Variants in BAIAP2L2 observed in about 807,000 individuals in gnomAD.
BAIAP2L2 encodes BAR/IMD domain containing adaptor protein 2 like 2, also known as BAR/IMD domain-containing adapter protein 2-like 2.
A neutral mutation model predicts 60.4 loss-of-function variants in BAIAP2L2; 65 were observed. The ratio of observed to expected loss-of-function variants is 1.08; its 90% CI spans 0.88 to 1.32. The LOEUF is 1.32. Among genes scored for constraint, BAIAP2L2 ranks in the 40% most tolerant of loss-of-function variants. The pLI, the probability that BAIAP2L2 is intolerant of heterozygous loss-of-function variation, is 0.00. For synonymous variants in BAIAP2L2, 344 were observed against 301.7 expected (o/e 1.14, Z -1.45); for missense variants, 836 against 741.2 (o/e 1.13, Z -1.48).
intron 4 of BAIAP2L2, among the ~76,000 whole-genome samples, chr22:38,105,103 T>A (rs1446410608): frequency 6.6e-6 from 1 of 152,126 alleles, no homozygotes; most frequent in African/African-American, 2.4e-5. Context: ...ACATTCTAAG[T>A]CAGATCCTGT....
chr22:38,095,381 T>C (rs1569224096), intron 7 of BAIAP2L2, among the ~76,000 whole-genome samples: 1 of 152,254 alleles, frequency 6.6e-6, no homozygotes, highest in South Asian at 2.1e-4. Context: ...ATCTTTTTTT[T>C]TGAGACTTAG....
chr22:38,110,500 T>C lies in BAIAP2L2; in HGVS notation c.26A>G (p.Tyr9Cys), dbSNP rs780619774. 3 of 1,611,818 alleles carry C rather than the reference T, an allele frequency of 1.9e-6. No individual in the cohort carries two copies. The highest frequency in any genetic ancestry group is 1.3e-5 in the African/African-American group (1 of 74,810). The change falls in exon 1 of 14, where the codon TAC becomes TGC. Residue 9 changes from tyrosine (Y) to cysteine (C), a missense_variant. Transcript: ENST00000381669. MAPEMDQF[Y>C]RSTMAIYKSI... Reference sequence around the variant, plus strand: ...CTTGTAGATGGCCATGGTGGACCTGTAGAACTGGTCCATCTCGGGGGCCAT... The same window carrying C: ...CTTGTAGATGGCCATGGTGGACCTGCAGAACTGGTCCATCTCGGGGGCCAT...
rs193285007 is a variant in BAIAP2L2, at chr22:38,101,849, G to A, written c.277-3367C>T. 5.9e-3 allele frequency among the ~76,000 whole-genome samples: 893 copies of A among 152,076 alleles called. 6 individuals are homozygous for A. Among genetic ancestry groups the A allele is most frequent in the African/African-American group, 0.02 (846 of 41,450 alleles). ...AGCCTGGGTGACAGAGCAAGATTCC[G>A]TCTCAAAAAACAAACAAACAAACAA... On this transcript the variant is annotated intron_variant, in intron 4 of 13. Coordinates refer to ENST00000381669, the MANE Select transcript of BAIAP2L2 (RefSeq NM_025045.6).
At position 38,084,994 on chromosome 22, in the gene BAIAP2L2, C is replaced by A. The variant is rs910387977; in HGVS notation, c.*306G>T. ...AGCAGGTACAAGGGGCTCCTCCCCA[C>A]GGGGGCAGAAAAGGGGGAAAGAGGT... is the stretch of plus-strand genomic sequence containing the variant. On this transcript the variant is annotated 3_prime_UTR_variant, in exon 14 of 14. Coordinates refer to ENST00000381669, the MANE Select transcript of BAIAP2L2 (RefSeq NM_025045.6). 5.8e-6 allele frequency: 2 copies of A among 342,398 alleles called. No individual in the cohort carries two copies. The highest frequency in any genetic ancestry group is 1.1e-5 in the Non-Finnish European group (2 of 184,266). 21.2% of individuals were successfully genotyped at this position (342,398 alleles called of 1,614,324 possible). A position where few individuals can be genotyped will look rare whatever the true frequency, so the allele number is the denominator to read the frequency against.
At chr22:38,104,263 G>T (rs6001004) in intron 4 of BAIAP2L2, among the ~76,000 whole-genome samples, 4,959 of 152,254 alleles carry the variant, frequency 0.033, 115 homozygotes, top group East Asian at 0.044. Context: ...GGCAGATCTA[G>T]ACACAGTGAT....
intron 4 of BAIAP2L2, among the ~76,000 whole-genome samples, chr22:38,103,972 G>A (rs749146758): frequency 6.6e-6 from 1 of 151,926 alleles, no homozygotes; most frequent in Non-Finnish European, 1.5e-5. Context: ...TTAAATCTAC[G>A]ATATTGATTA....
At chr22:38,097,778 G>A (rs1447819232) in intron 6 of BAIAP2L2, among the ~76,000 whole-genome samples, 4 of 152,124 alleles carry the variant, frequency 2.6e-5, no homozygotes, top group Non-Finnish European at 4.4e-5. Context: ...TTTTCTCGGT[G>A]AAGTAGGAGA....
rs934847626 is a variant in BAIAP2L2, at chr22:38,090,048, C to T, written c.613-374G>A. ...ATGGCGCTTAGATAGAAACTACGACCAAAGAACCCAGTCCCATTACTTACT... is the reference window on the plus strand; with the variant it reads ...ATGGCGCTTAGATAGAAACTACGACTAAAGAACCCAGTCCCATTACTTACT... On this transcript the variant is annotated intron_variant, in intron 7 of 13. Coordinates refer to ENST00000381669, the MANE Select transcript of BAIAP2L2 (RefSeq NM_025045.6). 3 of 173,074 alleles carry T rather than the reference C, an allele frequency of 1.7e-5. No homozygotes were observed. The Admixed American group carries it at 1.9e-4, about 11-fold the overall frequency. 10.7% of individuals were successfully genotyped at this position (173,074 alleles called of 1,614,324 possible).
At position 38,085,006 on chromosome 22, in the gene BAIAP2L2, A is replaced by AG. The variant is rs3216435; in HGVS notation, c.*293dup. 87,026 of 356,104 alleles carry AG rather than the reference A, an allele frequency of 0.24. 12,022 individuals are homozygous for AG. Among genetic ancestry groups the AG allele is most frequent in the East Asian group, 0.35 (6,098 of 17,650 alleles). 22.1% of individuals were successfully genotyped at this position (356,104 alleles called of 1,614,324 possible). ...GGGCTCCTCCCCACGGGGGCAGAAA[A>AG]GGGGGAAAGAGGTTAGGGGGCAAGA... On this transcript the variant is annotated 3_prime_UTR_variant, in exon 14 of 14. Transcript: ENST00000381669.
At position 38,108,062 on chromosome 22, in the gene BAIAP2L2, G is replaced by A. The variant is rs2086702931; in HGVS notation, c.215-149C>T. On this transcript the variant is annotated intron_variant, in intron 3 of 13. Transcript: ENST00000381669. ...GAACTTCCCATATGGTTCTCTGGGA[G>A]CCAGGCCATGTGTGTCCCAGCCTGG... 3.9e-6 allele frequency: 4 copies of A among 1,013,572 alleles called. No homozygotes were observed. The Admixed American group carries it at 6.6e-5, about 17-fold the overall frequency. 62.8% of individuals were successfully genotyped at this position (1,013,572 alleles called of 1,614,324 possible).
chr22:38,087,318 T>G, intron 10 of BAIAP2L2, 54 bp from the exon 11 acceptor site: 1 of 1,560,528 alleles, frequency 6.4e-7, no homozygotes, highest in Non-Finnish European at 8.6e-7. Context: ...CTGGGGACAA[T>G]GACCAAAAGA....
chr22:38,089,151 C>A lies in BAIAP2L2; in HGVS notation c.846G>T (p.Arg282Ser). 2.2e-6 allele frequency: 3 copies of A among 1,341,976 alleles called. No homozygotes were observed. The highest frequency in any genetic ancestry group is 1.9e-6 in the Non-Finnish European group (2 of 1,051,184). The allele number at this position is 1,341,976 out of a possible 1,614,324, so 83.1% of individuals were successfully genotyped here. A position where few individuals can be genotyped will look rare whatever the true frequency, so the allele number is the denominator to read the frequency against. Residue 282 changes from arginine to serine, a missense_variant, in exon 9 of 14, where the codon AGG becomes AGT. Coordinates refer to ENST00000381669, the MANE Select transcript of BAIAP2L2 (RefSeq NM_025045.6). ...GGTCTGGCTCTAGCTGGGACGCGGGCCTCGCGTCGGGCTCGGTGCCGTAGG... is the reference window on the plus strand; with the variant it reads ...GGTCTGGCTCTAGCTGGGACGCGGGACTCGCGTCGGGCTCGGTGCCGTAGG... ...SGSYGTEPDA[R>S]PASQLEPDRR...
chr22:38,088,049 C>T (rs567462988), intron 10 of BAIAP2L2, among the ~76,000 whole-genome samples: 26 of 152,212 alleles, frequency 1.7e-4, no homozygotes, highest in Non-Finnish European at 3.8e-4. Context: ...ACCCGCTCTG[C>T]CCATGCACGC....
intron 7 of BAIAP2L2, chr22:38,091,556 G>GAAAC (rs1449679236): frequency 6.6e-6 from 1 of 152,058 alleles, no homozygotes. Context: ...TGGGTGAGAA[G>GAAAC]AAACACTGCA....
At chr22:38,089,008 C>A in intron 9 of BAIAP2L2, 44 bp from the exon 10 acceptor site, 1 of 1,464,268 alleles carries the variant, frequency 6.8e-7, no homozygotes, top group Non-Finnish European at 9.0e-7. Context: ...GGAAGTTCTT[C>A]CTGGCGTCTG....
Position 38,085,165 on chromosome 22 carries a change from G to A in BAIAP2L2, c.*135C>T, listed in dbSNP as rs1601977406. ...TGGAGCTGCTCAGGCTGCCGGGGTG[G>A]TCTGGGGAGGGCAGCCACCCCCCGT... is the stretch of plus-strand genomic sequence containing the variant. On this transcript the variant is annotated 3_prime_UTR_variant, in exon 14 of 14. Transcript: ENST00000381669. 1 of 898,948 alleles carries A rather than the reference G, an allele frequency of 1.1e-6. No individual in the cohort carries two copies. The highest frequency in any genetic ancestry group is 1.7e-6 in the Non-Finnish European group (1 of 584,106). The allele number at this position is 898,948 out of a possible 1,614,324, so 55.7% of individuals were successfully genotyped here. A position where few individuals can be genotyped will look rare whatever the true frequency, so the allele number is the denominator to read the frequency against.
chr22:38,100,646 G>A (rs1218865603), intron 4 of BAIAP2L2, among the ~76,000 whole-genome samples: 2 of 152,070 alleles, frequency 1.3e-5, no homozygotes. Flanking sequence ...TTCACCTTCC[G>A]CCATGATTGT....
chr22:38,107,825 C>T (rs761854229), intron 4 of BAIAP2L2, 27 bp downstream of exon 4: 1 of 1,608,708 alleles, frequency 6.2e-7, no homozygotes, highest in Non-Finnish European at 8.5e-7. Flanking sequence ...CGAGTGACCC[C>T]TCCAGGCCCT....
chr22:38,109,763 TTGGGCC>T (rs1294836717), intron 1 of BAIAP2L2, among the ~76,000 whole-genome samples: 1 of 151,860 alleles, frequency 6.6e-6, no homozygotes, highest in Non-Finnish European at 1.5e-5. Context: ...GGGCCTGGAC[TTGGGCC>T]TGGACTTGGA....
Sources: gnomAD v4.1 joint callset for allele counts (sites outside exome capture counted in the v4.1 genomes callset) on GRCh38, gnomAD v4.1.1 for gene constraint, MANE v1.5 for transcripts, NCBI Gene and HGNC (gene_info 2026-07-23, HGNC 2026-07-21) for gene names.